The following ZNF177 variants were observed in gnomAD, a reference collection of about 807,000 sequenced individuals.
The protein encoded by ZNF177 is zinc finger protein 177.
Under a neutral mutation model 19.4 loss-of-function variants are expected in ZNF177, and 17 were observed. The ratio of observed to expected loss-of-function variants is 0.87; its 90% CI spans 0.60 to 1.31. The LOEUF is 1.31. Among genes scored for constraint, ZNF177 ranks in the 40% most tolerant of loss-of-function variants. The probability of loss-of-function intolerance (pLI) is 0.00; values close to 1 mark genes in which losing one functional copy is unlikely to be tolerated. For missense variants in ZNF177, 633 were observed against 561.8 expected (o/e 1.13, Z -1.28); for synonymous variants, 220 against 188.7 (o/e 1.17, Z -1.36).
intron 2 of ZNF177, among the ~76,000 whole-genome samples, chr19:9,370,977 A>G (rs779980715): frequency 3.3e-5 from 5 of 152,196 alleles, no homozygotes; most frequent in East Asian, 1.9e-4. Flanking sequence ...TCATGTGGCT[A>G]TTGAAGTTTA....
intron 2 of ZNF177, among the ~76,000 whole-genome samples, chr19:9,365,429 C>A (rs539241776): frequency 1.3e-5 from 2 of 151,788 alleles, no homozygotes; most frequent in East Asian, 3.9e-4. Flanking sequence ...TTCTTGCACC[C>A]CAGAAAAGTG....
At chr19:9,382,323 A>AATATCTC (rs2068214785), downstream of ZNF177, 1 of 398,932 alleles carries the variant, frequency 2.5e-6, no homozygotes, top group South Asian at 1.3e-4. Context: ...TGGAAATGGG[A>AATATCTC]ATATCTCATC....
upstream of ZNF177, among the ~76,000 whole-genome samples, chr19:9,374,655 GT>G (rs549150951): frequency 1.1e-4 from 17 of 151,414 alleles, no homozygotes; most frequent in African/African-American, 1.9e-4. Flanking sequence ...TATTTTCATA[GT>G]TTTTTTTAGA....
At chr19:9,374,978 T>TCAA (rs2068091893), upstream of ZNF177, among the ~76,000 whole-genome samples, 1 of 152,192 alleles carries the variant, frequency 6.6e-6, no homozygotes, top group Admixed American at 6.5e-5. Flanking sequence ...TGTGGTTTTG[T>TCAA]CACCTATGGC....
chr19:9,372,021 T>G (rs1482704692), upstream of ZNF177, among the ~76,000 whole-genome samples: 5 of 152,354 alleles, frequency 3.3e-5, no homozygotes, highest in African/African-American at 1.2e-4. Context: ...CACCTGTGTG[T>G]TAGCTATGTC....
At position 9,376,427 on chromosome 19, in the gene ZNF177, A is replaced by C. The variant is rs1309690532; in HGVS notation, c.-54+4A>C. 2 of 152,216 alleles carry C rather than the reference A, an allele frequency of 1.3e-5. No individual in the cohort carries two copies. The highest frequency in any genetic ancestry group is 2.9e-5 in the Non-Finnish European group (2 of 68,060). The allele number at this position is 152,216 out of a possible 1,614,324, so 9.4% of individuals were successfully genotyped here. A position where few individuals can be genotyped will look rare whatever the true frequency, so the allele number is the denominator to read the frequency against. On this transcript the variant is annotated splice_donor_region_variant and intron_variant, in intron 1 of 5. Coordinates refer to ENST00000589262, the Ensembl canonical transcript of ZNF177. ...TATTTAAAGTAATTATTGATGGGTA[A>C]GTACTTACTGTTGCCTTTTTGTTCA...
Position 9,377,378 on chromosome 19 carries a change from A to T in ZNF177, c.-53-881A>T, listed in dbSNP as rs923215424. Among the ~76,000 whole-genome samples the T allele has an allele frequency of 2.0e-5, 3 of 152,138 alleles. No homozygotes were observed. In the East Asian group the frequency reaches 5.8e-4, roughly 29 times the overall value. Reference sequence around the variant, plus strand: ...ATGTATTCCTTCTACTTACTAAAAAAGAAAAGTTAACTCAAAAACAAGCCT... The same window carrying T: ...ATGTATTCCTTCTACTTACTAAAAATGAAAAGTTAACTCAAAAACAAGCCT... On this transcript the variant is annotated intron_variant, in intron 1 of 5. Transcript: ENST00000589262.
chr19:9,375,955 C>T (rs1441012375), upstream of ZNF177, among the ~76,000 whole-genome samples: 1 of 152,142 alleles, frequency 6.6e-6, no homozygotes, highest in Non-Finnish European at 1.5e-5. Context: ...GGTATAAGAT[C>T]TTTCCTACTC....
chr19:9,375,610 G>T (rs2068098988), upstream of ZNF177, among the ~76,000 whole-genome samples: 1 of 151,812 alleles, frequency 6.6e-6, no homozygotes, highest in South Asian at 2.1e-4. Context: ...CCAATTTTTT[G>T]GCATATAATT....
exon 6 of ZNF177, chr19:9,381,786 A>G: frequency 6.3e-7 from 1 of 1,581,724 alleles, no homozygotes; most frequent in South Asian, 1.2e-5. Flanking sequence ...GAAATGACTC[A>G]GGGAAGTGTT....
chr19:9,378,360 C>A lies in ZNF177; in HGVS notation c.33+16C>A, dbSNP rs367599195. ...CTGGTCACAGGTACACAAGAAATTTCTCTATTTCCAAAAGCACACTGCCAT... is the reference window on the plus strand; with the variant it reads ...CTGGTCACAGGTACACAAGAAATTTATCTATTTCCAAAAGCACACTGCCAT... On this transcript the variant is annotated intron_variant, in intron 2 of 5. Coordinates refer to ENST00000589262, the Ensembl canonical transcript of ZNF177. 5 of 1,613,296 alleles carry A rather than the reference C, an allele frequency of 3.1e-6. No homozygotes were observed. Among genetic ancestry groups the A allele is most frequent in the Non-Finnish European group, 4.2e-6 (5 of 1,179,702 alleles).
At chr19:9,381,732 T>A (rs1318333799) in exon 6 of ZNF177, 1 of 1,611,700 alleles carries the variant, frequency 6.2e-7, no homozygotes, top group Admixed American at 1.7e-5. Flanking sequence ...GCACTAACCT[T>A]ATAATGCACA....
At chr19:9,380,483 G>A (rs1486679512) in intron 5 of ZNF177, 185 bp from the exon 8 acceptor site, 1 of 1,166,454 alleles carries the variant, frequency 8.6e-7, no homozygotes, top group Non-Finnish European at 1.2e-6. Context: ...TTGGACAGAG[G>A]AGTGAGCTTA....
intron 1 of ZNF177, 156 bp downstream of exon 1, chr19:9,363,240 C>G (rs1015766705): frequency 2.0e-5 from 3 of 152,346 alleles, no homozygotes; most frequent in South Asian, 2.1e-4. Context: ...TGGTTCCTCC[C>G]GGCACTGCTG....
chr19:9,372,532 T>G (rs1372892400), upstream of ZNF177, among the ~76,000 whole-genome samples: 2 of 149,216 alleles, frequency 1.3e-5, no homozygotes, highest in Non-Finnish European at 3.0e-5. Flanking sequence ...TCATTGAGCT[T>G]TCTTTTCCTT....
intron 2 of ZNF177, among the ~76,000 whole-genome samples, chr19:9,365,259 C>T (rs1179319619): frequency 6.6e-6 from 1 of 151,644 alleles, no homozygotes; most frequent in Non-Finnish European, 1.5e-5. Flanking sequence ...AGAACACAGG[C>T]TAAGGGAGAA....
chr19:9,365,272 G>A (rs556399440), intron 2 of ZNF177, among the ~76,000 whole-genome samples: 1 of 152,130 alleles, frequency 6.6e-6, no homozygotes, highest in East Asian at 1.9e-4. Context: ...AGGGAGAAGG[G>A]GGAATGGAGG....
rs2068186039 is a variant in ZNF177, at chr19:9,380,827, CAT to C, written c.497_498del (p.His166ArgfsTer11). ...CAACCATCCCTCAACTCTTAGGAGT[CAT>C]GTGAGCATTCACATTGGAGAGAAAA... On this transcript the variant is annotated frameshift_variant, in exon 6 of 6. Transcript: ENST00000589262. LOFTEE classifies it low-confidence loss of function (END_TRUNC). 1.0e-5 allele frequency: 16 copies of C among 1,536,104 alleles called. No individual in the cohort carries two copies. The highest frequency in any genetic ancestry group is 1.4e-5 in the Non-Finnish European group (16 of 1,146,892).
intron 2 of ZNF177, among the ~76,000 whole-genome samples, chr19:9,371,039 G>A (rs546913273): frequency 7.9e-5 from 12 of 152,314 alleles, no homozygotes; most frequent in African/African-American, 2.6e-4. Flanking sequence ...AGTGGTTACT[G>A]TATTAGATAC....
Sources: gnomAD v4.1 joint callset for allele counts (sites outside exome capture counted in the v4.1 genomes callset) on GRCh38, gnomAD v4.1.1 for gene constraint, MANE v1.5 for transcripts, NCBI Gene and HGNC (gene_info 2026-07-23, HGNC 2026-07-21) for gene names.